Variants in RIOK1 observed in about 807,000 individuals in gnomAD.
RIOK1 encodes serine/threonine-protein kinase RIO1.
Under a neutral mutation model 73.5 loss-of-function variants are expected in RIOK1, and 66 were observed. The ratio of observed to expected loss-of-function variants is 0.90; its 90% CI spans 0.74 to 1.10. The LOEUF is 1.10. Among genes scored for constraint, RIOK1 ranks in the 50% least tolerant of loss-of-function variants. The pLI is 0.00. For missense variants in RIOK1, 658 were observed against 699.8 expected, an observed-to-expected ratio of 0.94 and a Z score of 0.67; for synonymous variants, 224 against 226.8, an observed-to-expected ratio of 0.99 and a Z score of 0.11.
At chr6:7,395,013 T>C in intron 2 of RIOK1, 40 bp from the exon 3 acceptor site, 1 of 1,609,888 alleles carries the variant, frequency 6.2e-7, no homozygotes, top group Non-Finnish European at 8.5e-7. Flanking sequence ...TTAGGTTTGT[T>C]TTTACAGCTA....
chr6:7,410,488 C>T, intron 13 of RIOK1, 37 bp downstream of exon 13: 1 of 1,435,450 alleles, frequency 7.0e-7, no homozygotes, highest in African/African-American at 1.4e-5. Context: ...TTTGGAAACA[C>T]TTGTGTTTTG....
intron 12 of RIOK1, among the ~76,000 whole-genome samples, chr6:7,407,606 G>C (rs1054256872): frequency 6.6e-6 from 1 of 151,626 alleles, no homozygotes; most frequent in Non-Finnish European, 1.5e-5. Flanking sequence ...TGCCTCAGCT[G>C]CTTCAGCCTG....
rs557173526 is a variant in RIOK1, at chr6:7,397,077, A to G, written c.437+305A>G. On this transcript the variant is annotated intron_variant, in intron 4 of 16. Transcript: ENST00000379834. ...CCAGGAGTTTGAGACCAGCCTGGCC[A>G]ACATGGTGAAACCATGTCTGTACAA... is the stretch of plus-strand genomic sequence containing the variant. Among the ~76,000 whole-genome samples the G allele has an allele frequency of 2.6e-5, 4 of 152,272 alleles. No individual in the cohort carries two copies. In the East Asian group the frequency reaches 5.8e-4, roughly 22 times the overall value.
rs373682872 is a variant in RIOK1 at position 7,412,992 on chromosome 6, G to C, written c.1443+50G>C. On this transcript the variant is annotated intron_variant, in intron 15 of 16. Transcript: ENST00000379834. ...TGTTTATGTGAAAACAGTTTTAAAGGATATAAACTCTAGTCATACTGTTTT... is the reference window on the plus strand; with the variant it reads ...TGTTTATGTGAAAACAGTTTTAAAGCATATAAACTCTAGTCATACTGTTTT... 1.7e-5 allele frequency: 17 copies of C among 1,018,584 alleles called. No individual in the cohort carries two copies. The South Asian group carries it at 2.6e-4, about 15-fold the overall frequency. The allele number at this position is 1,018,584 out of a possible 1,614,324, so 63.1% of individuals were successfully genotyped here. A position where few individuals can be genotyped will look rare whatever the true frequency, so the allele number is the denominator to read the frequency against.
Position 7,404,421 on chromosome 6 carries a change from T to C in RIOK1, c.858T>C (p.Pro286=), listed in dbSNP as rs2113515529. 6.2e-7 allele frequency: 1 copy of C among 1,614,082 alleles called. No homozygotes were observed. Among genetic ancestry groups the C allele is most frequent in the East Asian group, 2.2e-5 (1 of 44,878 alleles). ...ATCTTAGTTCTTTTCATTCAAGGCCTGCACCACTCTTGAAAAATGTCCAGT... is the reference window on the plus strand; with the variant it reads ...ATCTTAGTTCTTTTCATTCAAGGCCCGCACCACTCTTGAAAAATGTCCAGT... ...VMSFIGKDDM[P]APLLKNVQLS... is the part of the protein sequence containing the mutation. The change falls in exon 10 of 17, where the codon CCT becomes CCC. Residue 286 remains proline, a synonymous_variant. Transcript: ENST00000379834.
chr6:7,405,264 A>C lies in RIOK1; in HGVS notation c.1112A>C (p.His371Pro). The change falls in exon 12 of 17, where the codon CAC (histidine) becomes CCC (proline). Residue 371 changes from histidine (H) to proline (P), a missense_variant. Transcript: ENST00000379834. ...CTTCTGACAGATTTCTTTATGAGGC[A>C]CAGTGTTGCTGTCATGACTGTGCGG... ...CANVNDFFMR[H>P]SVAVMTVREL... The C allele has an allele frequency of 4.3e-6, 7 of 1,610,510 alleles. No individual in the cohort carries two copies. The highest frequency in any genetic ancestry group is 5.9e-6 in the Non-Finnish European group (7 of 1,177,262).
intron 1 of RIOK1, among the ~76,000 whole-genome samples, chr6:7,390,833 G>A (rs1231595930): frequency 6.6e-6 from 1 of 152,228 alleles, no homozygotes. Flanking sequence ...GATTTTAGCA[G>A]AAGAATGACA....
At chr6:7,400,196 C>G (rs755000641) in intron 5 of RIOK1, among the ~76,000 whole-genome samples, 1 of 152,164 alleles carries the variant, frequency 6.6e-6, no homozygotes, top group Non-Finnish European at 1.5e-5. Context: ...TCTATAATGG[C>G]AGGGGTCTGC....
rs754528981 is a variant in RIOK1, at chr6:7,412,856, T to A, written c.1390-33T>A. The A allele has an allele frequency of 5.7e-6, 7 of 1,226,880 alleles. No homozygotes were observed. The Admixed American group carries it at 1.0e-4, about 18-fold the overall frequency. 76.0% of individuals were successfully genotyped at this position (1,226,880 alleles called of 1,614,324 possible). A position where few individuals can be genotyped will look rare whatever the true frequency, so the allele number is the denominator to read the frequency against. ...ATTTCATTGTCTAGTTTTATGTTGATCCTTATTTTTTTTTTTTCATTTTGG... is the reference window on the plus strand; with the variant it reads ...ATTTCATTGTCTAGTTTTATGTTGAACCTTATTTTTTTTTTTTCATTTTGG... On this transcript the variant is annotated intron_variant, in intron 14 of 16. Coordinates refer to ENST00000379834, the MANE Select transcript of RIOK1 (RefSeq NM_031480.3).
intron 1 of RIOK1, among the ~76,000 whole-genome samples, chr6:7,392,081 C>G (rs79965333): frequency 0.016 from 2,440 of 152,066 alleles, 88 homozygotes; most frequent in African/African-American, 0.055. Flanking sequence ...AAACTGAGTC[C>G]TCTGTTGAAT....
At chr6:7,410,007 C>G (rs1023423283) in intron 12 of RIOK1, among the ~76,000 whole-genome samples, 4 of 152,080 alleles carry the variant, frequency 2.6e-5, no homozygotes, top group South Asian at 2.1e-4. Context: ...TTCCCTTCGC[C>G]GACTGCTCAG....
intron 12 of RIOK1, among the ~76,000 whole-genome samples, chr6:7,408,978 C>T (rs142236494): frequency 6.6e-6 from 1 of 151,930 alleles, no homozygotes; most frequent in Non-Finnish European, 1.5e-5. Flanking sequence ...GCCTCGGCCT[C>T]CCAAAGTGCT....
chr6:7,396,701 A>G lies in RIOK1; in HGVS notation c.368-2A>G. The G allele has an allele frequency of 6.3e-7, 1 of 1,586,248 alleles. No homozygotes were observed. The highest frequency in any genetic ancestry group is 1.7e-5 in the Admixed American group (1 of 58,734). On this transcript the variant is annotated splice_acceptor_variant, in intron 3 of 16. Transcript: ENST00000379834. LOFTEE classifies it high-confidence loss of function. ...TTACATTGTGGGTTTCTTGTATTTT[A>G]GATAAGCTAAATGTTACTGATTCCG...
rs796477910 is a variant in RIOK1, at chr6:7,402,834, G to A, written c.704G>A (p.Cys235Tyr). 1.9e-6 allele frequency: 3 copies of A among 1,613,286 alleles called. No homozygotes were observed. Among genetic ancestry groups the A allele is most frequent in the African/African-American group, 2.7e-5 (2 of 74,892 alleles). The change falls in exon 8 of 17, where the codon TGT becomes TAT. Residue 235 changes from cysteine to tyrosine, a missense_variant. By Grantham distance (194) the Cys-to-Tyr change is radical. Transcript: ENST00000379834. ...SGEFRFRHGYCKGNPRKMVKT... is the reference protein window; with the variant it reads ...SGEFRFRHGYYKGNPRKMVKT... ...TATTCAAGATTTCGTCATGGCTATTGTAAAGGAAACCCTAGGAAAATGGTG... is the reference window on the plus strand; with the variant it reads ...TATTCAAGATTTCGTCATGGCTATTATAAAGGAAACCCTAGGAAAATGGTG...
chr6:7,408,709 C>G (rs1761810236), intron 12 of RIOK1, among the ~76,000 whole-genome samples: 1 of 151,450 alleles, frequency 6.6e-6, no homozygotes, highest in South Asian at 2.1e-4. Flanking sequence ...TTAGCACTGA[C>G]TTTCTTTTTC....
Position 7,392,685 on chromosome 6 carries a change from T to C in RIOK1, c.72-414T>C, listed in dbSNP as rs1056831394. On this transcript the variant is annotated intron_variant, in intron 1 of 16. Transcript: ENST00000379834. ...AAGGTGTGAACCGCTGCACCAGCCTTTTTTCCCCCTTTCTTTTTTCTTGTT... is the reference window on the plus strand; with the variant it reads ...AAGGTGTGAACCGCTGCACCAGCCTCTTTTCCCCCTTTCTTTTTTCTTGTT... Among the ~76,000 whole-genome samples the C allele has an allele frequency of 4.6e-5, 7 of 152,104 alleles. No homozygotes were observed. The East Asian group carries it at 1.3e-3, about 29-fold the overall frequency.
At chr6:7,400,216 A>G (rs1297217422) in intron 5 of RIOK1, among the ~76,000 whole-genome samples, 3 of 152,216 alleles carry the variant, frequency 2.0e-5, no homozygotes, top group African/African-American at 7.2e-5. Context: ...CAGACTCTTG[A>G]AAGGGCCAAC....
intron 9 of RIOK1, 36 bp from the exon 10 acceptor site, chr6:7,404,382 T>C: frequency 6.2e-7 from 1 of 1,611,388 alleles, no homozygotes; most frequent in Non-Finnish European, 8.5e-7. Context: ...AGAAAACTTG[T>C]TCTTGGTCAT....
intron 16 of RIOK1, 89 bp downstream of exon 16, chr6:7,414,479 A>G: frequency 8.2e-7 from 1 of 1,213,104 alleles, no homozygotes; most frequent in Non-Finnish European, 1.1e-6. Context: ...CTAGATTATG[A>G]TGGCTGAAAA....
Sources: allele counts gnomAD v4.1 joint callset (sites outside exome capture counted in the v4.1 genomes callset), GRCh38; gene constraint gnomAD v4.1.1; transcripts MANE v1.5; gene names NCBI Gene and HGNC (gene_info 2026-07-23, HGNC 2026-07-21).